PCM1: variants seen among roughly 807,000 people sequenced by gnomAD.
PCM1 encodes pericentriolar material 1.
A neutral mutation model predicts 241.9 loss-of-function variants in PCM1; 157 were observed. The observed-to-expected ratio is 0.65, with a 90% CI of 0.57 to 0.74. The LOEUF (loss-of-function observed/expected upper bound fraction) is 0.74. Among genes scored for constraint, PCM1 ranks in the 30% least tolerant of loss-of-function variants. PCM1 has a pLI of 0.00. For missense variants in PCM1, 3,478 were observed against 2,360.1 expected (o/e 1.47, Z -9.81); for synonymous variants, 1,085 against 784.9 (o/e 1.38, Z -6.39).
intron 11 of PCM1, 87 bp downstream of exon 11, chr8:17,956,864 A>G: frequency 9.6e-7 from 1 of 1,042,504 alleles, no homozygotes; most frequent in Non-Finnish European, 1.4e-6. Context: ...TCGTTGTAGT[A>G]TTTACTATTT....
chr8:18,014,108 A>C (rs1292761034), intron 35 of PCM1, 72 bp downstream of exon 35: 251 of 834,532 alleles, frequency 3.0e-4, no homozygotes, highest in Non-Finnish European at 4.0e-4. Flanking sequence ...AAAAAAAAAA[A>C]AAACACACAC....
At position 18,025,591 on chromosome 8, in the gene PCM1, A is replaced by T; in HGVS notation, c.5982A>T (p.Leu1994Phe). The T allele has an allele frequency of 1.3e-6, 2 of 1,586,412 alleles. No homozygotes were observed. The highest frequency in any genetic ancestry group is 2.7e-5 in the African/African-American group (2 of 74,426). Residue 1994 changes from leucine (L) to phenylalanine (F), a missense_variant, in exon 38 of 39, where the codon TTA becomes TTT. By Grantham distance (22) the Leu-to-Phe change is conservative. Coordinates refer to ENST00000325083, the MANE Select transcript of PCM1 (RefSeq NM_006197.4). ...KMVEEEQKNH[L>F]SGEICEMQTE... ...TAGAAGAAGAACAGAAAAACCATTT[A>T]TCTGGTGAAATATGTGAAATGCAGA...
chr8:17,929,378 C>G (rs927256445), intron 2 of PCM1, among the ~76,000 whole-genome samples: 1 of 152,162 alleles, frequency 6.6e-6, no homozygotes. Flanking sequence ...TCTTCTCTTA[C>G]TCTTTATCGT....
At chr8:17,978,082 T>C (rs372698638) in intron 23 of PCM1, among the ~76,000 whole-genome samples, 1 of 152,310 alleles carries the variant, frequency 6.6e-6, no homozygotes, top group East Asian at 1.9e-4. Context: ...GATTGAATTA[T>C]AACAAATTCT....
intron 29 of PCM1, among the ~76,000 whole-genome samples, chr8:18,000,873 T>G (rs1208702679): frequency 6.6e-6 from 1 of 152,202 alleles, no homozygotes; most frequent in Non-Finnish European, 1.5e-5. Context: ...CCTCCCAAAG[T>G]GCTGGGATTA....
At chr8:17,954,934 C>G (rs1328044609) in intron 9 of PCM1, among the ~76,000 whole-genome samples, 1 of 152,026 alleles carries the variant, frequency 6.6e-6, no homozygotes, top group African/African-American at 2.4e-5. Context: ...TTCTTTCTCT[C>G]CTGGAGCAAG....
intron 6 of PCM1, among the ~76,000 whole-genome samples, chr8:17,942,122 T>A (rs1489320287): frequency 6.6e-6 from 1 of 152,224 alleles, no homozygotes; most frequent in African/African-American, 2.4e-5. Flanking sequence ...GAGTATAATT[T>A]ATAACACGTT....
chr8:17,976,125 A>G (rs573958495), intron 23 of PCM1, among the ~76,000 whole-genome samples: 22 of 152,310 alleles, frequency 1.4e-4, no homozygotes, highest in African/African-American at 5.1e-4. Context: ...TGGACATGAA[A>G]TGGACGTGAA....
At chr8:17,980,324 G>C (rs2080269151) in intron 23 of PCM1, 2 of 265,910 alleles carry the variant, frequency 7.5e-6, no homozygotes, top group South Asian at 3.3e-4. Flanking sequence ...GGTCATGTAA[G>C]GTCTGCCATA....
intron 23 of PCM1, among the ~76,000 whole-genome samples, chr8:17,978,935 A>G (rs1421731392): frequency 2.0e-5 from 3 of 152,176 alleles, no homozygotes; most frequent in African/African-American, 7.2e-5. Flanking sequence ...CAAAGGGACA[A>G]ATAATCATAG....
intron 26 of PCM1, among the ~76,000 whole-genome samples, chr8:17,987,078 C>T (rs2082849706): frequency 1.3e-5 from 2 of 151,722 alleles, no homozygotes; most frequent in Admixed American, 1.3e-4. Flanking sequence ...AATGTTTTCC[C>T]ACTGGACTCT....
chr8:17,935,767 C>G, intron 3 of PCM1, 61 bp downstream of exon 3: 1 of 811,516 alleles, frequency 1.2e-6, no homozygotes, highest in African/African-American at 1.7e-5. Flanking sequence ...GCAGTTTTCC[C>G]CCTGACCAAA....
intron 2 of PCM1, among the ~76,000 whole-genome samples, chr8:17,932,004 C>A (rs1241684102): frequency 6.6e-6 from 1 of 152,038 alleles, no homozygotes; most frequent in Non-Finnish European, 1.5e-5. Flanking sequence ...AATAAAGTTT[C>A]TTAGCTTTTG....
At chr8:17,956,445 C>T (rs1305311870) in intron 10 of PCM1, among the ~76,000 whole-genome samples, 159 bp from the exon 11 acceptor site, 1 of 152,122 alleles carries the variant, frequency 6.6e-6, no homozygotes, top group African/African-American at 2.4e-5. Context: ...TTGGCATTAA[C>T]CTCATTATTT....
Position 17,996,837 on chromosome 8 carries a change from TTTG to T in PCM1, c.4827+3224_4827+3226del, listed in dbSNP as rs564646644. On this transcript the variant is annotated intron_variant, in intron 29 of 38. Coordinates refer to ENST00000325083, the MANE Select transcript of PCM1 (RefSeq NM_006197.4). ...ACTTTGTTTCCCTGCTTTTTAACTC[TTTG>T]TTGTTTCTCTTTATATCTTACTGTA... 4.2e-4 allele frequency among the ~76,000 whole-genome samples: 64 copies of T among 152,328 alleles called. 2 individuals are homozygous for T. In the East Asian group the frequency reaches 0.012, roughly 28 times the overall value.
At chr8:17,987,658 A>G (rs1203638352) in intron 26 of PCM1, among the ~76,000 whole-genome samples, 2 of 151,868 alleles carry the variant, frequency 1.3e-5, no homozygotes, top group Admixed American at 6.6e-5. Flanking sequence ...TAAATTCAGC[A>G]TTAAGGTCAA....
intron 29 of PCM1, among the ~76,000 whole-genome samples, chr8:17,996,352 T>C (rs1352146026): frequency 6.6e-6 from 1 of 152,246 alleles, no homozygotes; most frequent in Non-Finnish European, 1.5e-5. Flanking sequence ...GATTTACCTA[T>C]GTTGAACCAT....
intron 13 of PCM1, among the ~76,000 whole-genome samples, 156 bp downstream of exon 13, chr8:17,957,931 A>G (rs2069426753): frequency 6.6e-6 from 1 of 152,224 alleles, no homozygotes; most frequent in Admixed American, 6.5e-5. Context: ...GCTGTATGTC[A>G]GAGGTCAGCA....
chr8:17,990,694 T>A (rs2129478369), intron 27 of PCM1, among the ~76,000 whole-genome samples: 1 of 152,240 alleles, frequency 6.6e-6, no homozygotes, highest in Non-Finnish European at 1.5e-5. Context: ...GGGTGCTTAG[T>A]TGATAAAATA....
Sources: allele counts gnomAD v4.1 joint callset (sites outside exome capture counted in the v4.1 genomes callset), GRCh38; gene constraint gnomAD v4.1.1; transcripts MANE v1.5; gene names NCBI Gene and HGNC (gene_info 2026-07-23, HGNC 2026-07-21).